YY1: variants seen among roughly 807,000 people sequenced by gnomAD.
YY1 encodes the protein transcriptional repressor protein YY1.
A neutral mutation model predicts 35.6 loss-of-function variants in YY1; 2 were observed. That is an observed-to-expected ratio of 0.06 (90% CI 0.02 to 0.18). YY1 has a LOEUF of 0.18. Ranked by LOEUF, YY1 falls within the 10% of genes least tolerant of loss-of-function variation. YY1 has a pLI of 1.00. For missense variants in YY1, 322 were observed against 573.4 expected (o/e 0.56, Z 4.48); for synonymous variants, 268 against 238.9 (o/e 1.12, Z -1.12).
chr14:100,259,781 T>G (rs1891054895), intron 1 of YY1, among the ~76,000 whole-genome samples: 1 of 152,116 alleles, frequency 6.6e-6, no homozygotes, highest in South Asian at 2.1e-4. Flanking sequence ...AAAAGCTGGT[T>G]AGAATATAGA....
intron 1 of YY1, among the ~76,000 whole-genome samples, chr14:100,255,332 G>A (rs575525277): frequency 6.3e-4 from 96 of 152,180 alleles, no homozygotes; most frequent in Admixed American, 1.8e-3. Context: ...TTGAAAGTGT[G>A]GGAGGGCCGG....
At chr14:100,265,480 G>GT (rs1307424174) in intron 2 of YY1, 2 of 152,224 alleles carry the variant, frequency 1.3e-5, no homozygotes, top group Non-Finnish European at 2.9e-5. Flanking sequence ...GGGGGGAGGA[G>GT]TAAGAGCATG....
chr14:100,273,000 C>T (rs1292124495), intron 2 of YY1, among the ~76,000 whole-genome samples: 4 of 147,760 alleles, frequency 2.7e-5, no homozygotes, highest in East Asian at 2.0e-4. Context: ...TCCTTCTTGC[C>T]GCCTAGGCTG....
intron 1 of YY1, among the ~76,000 whole-genome samples, chr14:100,247,383 CTTTTTTT>C (rs78485580): frequency 4.4e-5 from 6 of 135,342 alleles, no homozygotes; most frequent in African/African-American, 1.3e-4. Context: ...TTCTTTTTTT[CTTTTTTT>C]TTTTTTTTCG....
Position 100,270,114 on chromosome 14 carries a change from T to C in YY1, c.843-4584T>C, listed in dbSNP as rs926922453. On this transcript the variant is annotated intron_variant, in intron 2 of 4. Transcript: ENST00000262238. Reference sequence around the variant, plus strand: ...CGTCTCTACTAAAAATACAAAAAAATTAGCCTGGTGTGGTGGCAGGCGCCT... The same window carrying C: ...CGTCTCTACTAAAAATACAAAAAAACTAGCCTGGTGTGGTGGCAGGCGCCT... 2.3e-4 allele frequency among the ~76,000 whole-genome samples: 34 copies of C among 148,416 alleles called. No individual in the cohort carries two copies. The Middle Eastern group carries it at 0.011, about 48-fold the overall frequency.
intron 1 of YY1, among the ~76,000 whole-genome samples, chr14:100,245,760 C>T (rs939422024): frequency 6.6e-6 from 1 of 152,044 alleles, no homozygotes; most frequent in Non-Finnish European, 1.5e-5. Flanking sequence ...ACGTGTGCCA[C>T]CATGCCCGGC....
chr14:100,266,398 G>A (rs1236171177), intron 2 of YY1, among the ~76,000 whole-genome samples: 2 of 152,188 alleles, frequency 1.3e-5, no homozygotes, highest in Non-Finnish European at 2.9e-5. Context: ...GAGGGCTGAA[G>A]GAAAGGTTTT....
intron 1 of YY1, among the ~76,000 whole-genome samples, chr14:100,250,471 A>T (rs1166051170): frequency 6.6e-6 from 1 of 152,184 alleles, no homozygotes; most frequent in Admixed American, 6.5e-5. Flanking sequence ...TAAATATCTC[A>T]GTTGGTGAAG....
At chr14:100,253,338 T>G (rs1301542408) in intron 1 of YY1, among the ~76,000 whole-genome samples, 1 of 152,222 alleles carries the variant, frequency 6.6e-6, no homozygotes, top group Non-Finnish European at 1.5e-5. Flanking sequence ...CTCTCCTCTA[T>G]GTAGCAAATC....
intron 2 of YY1, among the ~76,000 whole-genome samples, chr14:100,263,280 C>T (rs1446697501): frequency 6.6e-6 from 1 of 152,190 alleles, no homozygotes; most frequent in Non-Finnish European, 1.5e-5. Flanking sequence ...CTGTACTTGA[C>T]TCATCCAGCT....
Position 100,239,603 on chromosome 14 carries a change from G to A in YY1, c.359G>A (p.Gly120Glu), listed in dbSNP as rs1208791544. ...EEVVGGDDSD[G>E]LRAEDGFEDQ... ...GTGGTGGGCGGCGACGACTCGGACG[G>A]GCTGCGCGCCGAGGACGGCTTCGAG... Residue 120 changes from glycine (G) to glutamate (E), a missense_variant, in exon 1 of 5, where the codon GGG (glycine) becomes GAG (glutamate). Physicochemically the swap from Gly to Glu is moderately conservative, Grantham distance 98 (BLOSUM62 -2). This residue lies in a region of YY1 where 7 missense variants were observed against 26.7 expected (regional missense o/e 0.26). Coordinates refer to ENST00000262238, the MANE Select transcript of YY1 (RefSeq NM_003403.5). 1 of 1,612,072 alleles carries A rather than the reference G, an allele frequency of 6.2e-7. No individual in the cohort carries two copies. The highest frequency in any genetic ancestry group is 8.5e-7 in the Non-Finnish European group (1 of 1,179,608).
intron 1 of YY1, among the ~76,000 whole-genome samples, chr14:100,248,900 G>A (rs1890878635): frequency 6.6e-6 from 1 of 151,452 alleles, no homozygotes; most frequent in Non-Finnish European, 1.5e-5. Flanking sequence ...TGTTAGCCAG[G>A]ATGGTCTTGA....
chr14:100,260,689 T>G (rs904309577), intron 1 of YY1, among the ~76,000 whole-genome samples: 7 of 149,288 alleles, frequency 4.7e-5, no homozygotes, highest in African/African-American at 1.7e-4. Flanking sequence ...GCCAGGATGG[T>G]CTCGATCTCC....
chr14:100,274,782 G>A, intron 3 of YY1, 24 bp downstream of exon 3: 1 of 1,606,332 alleles, frequency 6.2e-7, no homozygotes, highest in Non-Finnish European at 8.5e-7. Context: ...GAGGGAGAGT[G>A]TTCATTAAAC....
Position 100,239,295 on chromosome 14 carries a change from G to A in YY1, c.51G>A (p.Pro17=). The change falls in exon 1 of 5, where the codon CCG becomes CCA. Residue 17 remains proline, a synonymous_variant. Transcript: ENST00000262238. ...LYIATDGSEM[P]AEIVELHEIE... ...TCGCCACGGACGGCTCGGAGATGCC[G>A]GCCGAGATCGTGGAGCTGCACGAGA... The A allele has an allele frequency of 6.3e-7, 1 of 1,599,044 alleles. No individual in the cohort carries two copies.
intron 1 of YY1, among the ~76,000 whole-genome samples, chr14:100,261,115 G>A (rs1891081182): frequency 6.6e-6 from 1 of 151,806 alleles, no homozygotes; most frequent in African/African-American, 2.4e-5. Context: ...GTAACCTGTT[G>A]GATATGAGAT....
rs751055428 is a variant in YY1, at chr14:100,239,541, C to T, written c.297C>T (p.His99=). 3.1e-6 allele frequency: 5 copies of T among 1,612,438 alleles called. No homozygotes were observed. The highest frequency in any genetic ancestry group is 2.5e-6 in the Non-Finnish European group (3 of 1,179,724). The change falls in exon 1 of 5, where the codon CAC becomes CAT. Residue 99 remains histidine (H), a synonymous_variant. Coordinates refer to ENST00000262238, the MANE Select transcript of YY1 (RefSeq NM_003403.5). ...LVTDDPTQVH[H]HQEVILVQTR... ...CCGACGACCCGACCCAGGTGCACCA[C>T]CACCAGGAGGTGATCCTGGTGCAGA...
intron 1 of YY1, among the ~76,000 whole-genome samples, chr14:100,261,998 T>C (rs1444338142): frequency 1.3e-5 from 2 of 151,918 alleles, no homozygotes; most frequent in Non-Finnish European, 2.9e-5. Flanking sequence ...TAAATAAAAA[T>C]AATTAGCTGG....
chr14:100,262,812 C>T (rs945896933), intron 2 of YY1, among the ~76,000 whole-genome samples: 1 of 152,088 alleles, frequency 6.6e-6, no homozygotes, highest in Non-Finnish European at 1.5e-5. Flanking sequence ...AAGCAAATAC[C>T]CTTAAATAGG....
Sources: gnomAD v4.1 joint callset for allele counts (sites outside exome capture counted in the v4.1 genomes callset) on GRCh38, gnomAD v4.1.1 for gene constraint, gnomAD v4.1.1 regional missense constraint, MANE v1.5 for transcripts, NCBI Gene and HGNC (gene_info 2026-07-23, HGNC 2026-07-21) for gene names.